Variants in CNNM2 observed in about 807,000 individuals in gnomAD.
The protein encoded by CNNM2 is cyclin and CBS domain divalent metal cation transport mediator 2.
A neutral mutation model predicts 66.9 loss-of-function variants in CNNM2; 12 were observed. That is an observed-to-expected ratio of 0.18 (90% CI 0.11 to 0.29). The LOEUF (loss-of-function observed/expected upper bound fraction) is 0.29. Ranked by LOEUF, CNNM2 falls within the 10% of genes least tolerant of loss-of-function variation. The probability of loss-of-function intolerance (pLI) is 1.00; values close to 1 mark genes in which losing one functional copy is unlikely to be tolerated. For synonymous variants in CNNM2, 557 were observed against 501.8 expected, an observed-to-expected ratio of 1.11 and a Z score of -1.47; for missense variants, 705 against 1,167.7, an observed-to-expected ratio of 0.60 and a Z score of 5.77.
At chr10:103,006,353 C>T (rs546035928) in intron 1 of CNNM2, among the ~76,000 whole-genome samples, 2 of 151,910 alleles carry the variant, frequency 1.3e-5, no homozygotes, top group African/African-American at 4.8e-5. Context: ...ATTATAGGCA[C>T]CTGCTGCCAC....
At chr10:102,973,969 T>C (rs1177081341) in intron 1 of CNNM2, among the ~76,000 whole-genome samples, 1 of 152,220 alleles carries the variant, frequency 6.6e-6, no homozygotes, top group Non-Finnish European at 1.5e-5. Flanking sequence ...CTCCATGCAA[T>C]TGCTGCTGGT....
At chr10:102,991,397 T>C (rs772934518) in intron 1 of CNNM2, among the ~76,000 whole-genome samples, 6 of 152,198 alleles carry the variant, frequency 3.9e-5, no homozygotes, top group Non-Finnish European at 7.3e-5. Flanking sequence ...AAATAAGATA[T>C]TGATTAAAAG....
chr10:103,072,246 G>A (rs928618151), intron 6 of CNNM2, among the ~76,000 whole-genome samples: 7 of 152,146 alleles, frequency 4.6e-5, no homozygotes, highest in Non-Finnish European at 7.4e-5. Flanking sequence ...CCCTGAGGCC[G>A]CTTTTATAGA....
chr10:103,065,477 A>C (rs971496958), intron 4 of CNNM2, among the ~76,000 whole-genome samples: 5 of 152,298 alleles, frequency 3.3e-5, no homozygotes, highest in South Asian at 4.1e-4. Flanking sequence ...TGGATTAAAT[A>C]GAAAAAAAGA....
chr10:102,964,964 T>G (rs1193407599), intron 1 of CNNM2, among the ~76,000 whole-genome samples: 1 of 152,156 alleles, frequency 6.6e-6, no homozygotes, highest in Non-Finnish European at 1.5e-5. Flanking sequence ...TTGGCCCTCC[T>G]ACTCTTCTGC....
chr10:102,984,016 A>C (rs767863153), intron 1 of CNNM2, among the ~76,000 whole-genome samples: 5 of 152,158 alleles, frequency 3.3e-5, no homozygotes, highest in Non-Finnish European at 5.9e-5. Context: ...TTGGCCTCCC[A>C]AAGTGCTGGG....
intron 1 of CNNM2, among the ~76,000 whole-genome samples, chr10:103,001,675 TA>T (rs879367558): frequency 6.6e-6 from 1 of 151,980 alleles, no homozygotes; most frequent in Non-Finnish European, 1.5e-5. Context: ...AAAAATGAAC[TA>T]AAAATATATC....
chr10:103,049,937 C>T (rs532501238), intron 2 of CNNM2, 87 bp downstream of exon 2: 2 of 1,334,534 alleles, frequency 1.5e-6, no homozygotes, highest in South Asian at 1.3e-5. Flanking sequence ...TCTCCAGTTG[C>T]TGCCTCTGTT....
At chr10:102,991,258 G>A (rs774615606) in intron 1 of CNNM2, among the ~76,000 whole-genome samples, 2 of 152,150 alleles carry the variant, frequency 1.3e-5, no homozygotes, top group East Asian at 3.8e-4. Context: ...AAAGTGCTGG[G>A]ATTACGGATG....
rs78789769 is a variant in CNNM2 at position 103,035,254 on chromosome 10, A to G, written c.1622-14453A>G. On this transcript the variant is annotated intron_variant, in intron 1 of 7. Coordinates refer to ENST00000369878, the MANE Select transcript of CNNM2 (RefSeq NM_017649.5). ...CTAAAGGAAAGACAGAAATAGTCTC[A>G]TTGGTTCTAAAATAAACCCCTTAGT... Among the ~76,000 whole-genome samples the G allele has an allele frequency of 2.0e-3, 303 of 152,320 alleles. 2 individuals carry two copies. Among genetic ancestry groups the G allele is most frequent in the African/African-American group, 7.1e-3 (296 of 41,572 alleles).
chr10:102,944,369 T>A (rs1166240034), intron 1 of CNNM2, among the ~76,000 whole-genome samples: 1 of 152,162 alleles, frequency 6.6e-6, no homozygotes, highest in Non-Finnish European at 1.5e-5. Flanking sequence ...TGAGCCATCG[T>A]GCCTGGCCTG....
intron 5 of CNNM2, among the ~76,000 whole-genome samples, chr10:103,071,226 C>G (rs540935473): frequency 1.2e-4 from 19 of 152,294 alleles, no homozygotes; most frequent in African/African-American, 3.8e-4. Flanking sequence ...GAGGATGACT[C>G]TGGTCTGCAT....
chr10:103,036,335 C>T (rs758712039), intron 1 of CNNM2, among the ~76,000 whole-genome samples: 1 of 152,266 alleles, frequency 6.6e-6, no homozygotes, highest in African/African-American at 2.4e-5. Flanking sequence ...GTCTTAAGGC[C>T]CGGCTTTTAA....
At chr10:102,926,993 A>T (rs762558550) in intron 1 of CNNM2, among the ~76,000 whole-genome samples, 1 of 151,982 alleles carries the variant, frequency 6.6e-6, no homozygotes, top group Non-Finnish European at 1.5e-5. Flanking sequence ...TGCTGGGATT[A>T]CAAGCATGAG....
Position 103,056,861 on chromosome 10 carries a change from A to G in CNNM2, c.1970A>G (p.Asn657Ser), listed in dbSNP as rs768493356. The change falls in exon 4 of 8, where the codon AAT becomes AGT. Residue 657 changes from asparagine (N) to serine (S), a missense_variant. By Grantham distance (46) the Asn-to-Ser change is conservative (BLOSUM62 1). Around this residue, in one of 9 missense-constraint regions of CNNM2, gnomAD observed 171 missense variants for 304.8 expected, o/e 0.56. Coordinates refer to ENST00000369878, the MANE Select transcript of CNNM2 (RefSeq NM_017649.5). ...CTTCTAAGGCTGCTAAAGCACCCCA[A>G]TGTCATCCAGGAACTGAAATATGAT... ...KILLRLLKHP[N>S]VIQELKYDEK... 2.0e-5 allele frequency: 32 copies of G among 1,614,024 alleles called. No individual in the cohort carries two copies. Among genetic ancestry groups the G allele is most frequent in the Middle Eastern group, 1.6e-4 (1 of 6,062 alleles).
At position 103,077,362 on chromosome 10, in the gene CNNM2, C is replaced by T. The variant is rs569290641; in HGVS notation, c.*182C>T. On this transcript the variant is annotated 3_prime_UTR_variant, in exon 8 of 8. Coordinates refer to ENST00000369878, the MANE Select transcript of CNNM2 (RefSeq NM_017649.5). The stretch of plus-strand genomic sequence containing the variant: ...GAGGACAGTGAGGGAGGAATGGAAA[C>T]GAGAGATGTGAAGTTGGCAGCCGGG... 12 of 573,140 alleles carry T rather than the reference C, an allele frequency of 2.1e-5. No homozygotes were observed. Among genetic ancestry groups the T allele is most frequent in the Admixed American group, 1.8e-4 (6 of 32,456 alleles). The allele number at this position is 573,140 out of a possible 1,614,324, so 35.5% of individuals were successfully genotyped here.
At chr10:102,934,836 G>A (rs1846179053) in intron 1 of CNNM2, among the ~76,000 whole-genome samples, 1 of 151,350 alleles carries the variant, frequency 6.6e-6, no homozygotes, top group Admixed American at 6.6e-5. Flanking sequence ...GACAGAGTAA[G>A]ACTCCTGTAT....
chr10:102,938,369 A>C (rs1259333538), intron 1 of CNNM2, among the ~76,000 whole-genome samples: 7 of 151,446 alleles, frequency 4.6e-5, no homozygotes, highest in African/African-American at 1.7e-4. Context: ...GCTTGAACCC[A>C]GGAGGCGGCG....
At chr10:102,927,288 A>G in intron 1 of CNNM2, 2 of 1,607,618 alleles carry the variant, frequency 1.2e-6, no homozygotes, top group Non-Finnish European at 1.7e-6. Context: ...GTGGATCACT[A>G]GGATTGAATA....
Sources: allele counts gnomAD v4.1 joint callset (sites outside exome capture counted in the v4.1 genomes callset), GRCh38; gene constraint gnomAD v4.1.1; regional missense constraint gnomAD v4.1.1; transcripts MANE v1.5; gene names NCBI Gene and HGNC (gene_info 2026-07-23, HGNC 2026-07-21).